Variants in SAR1A observed in about 807,000 individuals in gnomAD.
The protein encoded by SAR1A is small COPII coat GTPase SAR1A.
SAR1A carries 6 observed loss-of-function variants against 22.6 expected under a neutral mutation model. The ratio of observed to expected loss-of-function variants is 0.27; its 90% confidence interval spans 0.15 to 0.52. The LOEUF (loss-of-function observed/expected upper bound fraction) is 0.52. Ranked by LOEUF, SAR1A falls within the 20% of genes least tolerant of loss-of-function variation. The pLI, the probability that SAR1A is intolerant of heterozygous loss-of-function variation, is 0.96. For synonymous variants in SAR1A, 70 were observed against 82.2 expected (o/e 0.85, Z 0.80); for missense variants, 145 against 245.1 (o/e 0.59, Z 2.73).
chr10:70,152,921 G>C (rs1394322874), intron 6 of SAR1A, among the ~76,000 whole-genome samples: 1 of 152,164 alleles, frequency 6.6e-6, no homozygotes, highest in Non-Finnish European at 1.5e-5. Flanking sequence ...GCAGAAAAGA[G>C]GTCTGGGACT....
chr10:70,152,596 A>C lies in SAR1A; in HGVS notation c.481-4T>G. The C allele has an allele frequency of 6.2e-7, 1 of 1,603,046 alleles. No individual in the cohort carries two copies. The highest frequency in any genetic ancestry group is 8.5e-7 in the Non-Finnish European group (1 of 1,169,946). ...GCTCCTTCAGGGTCACATTCCCCTA[A>C]AGGAGGCAAAACCAAGAAAGGCCTG... On this transcript the variant is annotated splice_region_variant and splice_polypyrimidine_tract_variant and intron_variant, in intron 6 of 6. Coordinates refer to ENST00000373241, the MANE Select transcript of SAR1A (RefSeq NM_020150.5).
At chr10:70,168,895 G>C (rs1371254918) in intron 1 of SAR1A, among the ~76,000 whole-genome samples, 1 of 151,940 alleles carries the variant, frequency 6.6e-6, no homozygotes. Context: ...TTGCCATCAT[G>C]GCTCACTGCA....
chr10:70,160,940 A>G, intron 4 of SAR1A, 64 bp downstream of exon 4: 1 of 1,071,882 alleles, frequency 9.3e-7, no homozygotes, highest in Non-Finnish European at 1.4e-6. Flanking sequence ...CTGCTTTTAA[A>G]AGGAGCTGGG....
At chr10:70,163,444 T>G (rs1839502551) in intron 1 of SAR1A, among the ~76,000 whole-genome samples, 1 of 152,242 alleles carries the variant, frequency 6.6e-6, no homozygotes, top group African/African-American at 2.4e-5. Flanking sequence ...AGGGGCAAGC[T>G]GACTCTCTTG....
intron 5 of SAR1A, among the ~76,000 whole-genome samples, chr10:70,156,246 G>A (rs1189330282): frequency 6.6e-6 from 1 of 152,164 alleles, no homozygotes; most frequent in Non-Finnish European, 1.5e-5. Flanking sequence ...ACCAGCCTAG[G>A]AGAAAGTACT....
At chr10:70,164,207 G>C (rs966587772) in intron 1 of SAR1A, 11 of 602,364 alleles carry the variant, frequency 1.8e-5, no homozygotes, top group Middle Eastern at 4.7e-4. Context: ...TCTGTAAAAG[G>C]CTTCTCCCTA....
intron 1 of SAR1A, chr10:70,166,827 A>C (rs1222548186): frequency 4.6e-5 from 2 of 43,792 alleles, no homozygotes; most frequent in Admixed American, 3.3e-4. Flanking sequence ...GCATCTCTAC[A>C]AAAAAAAAAA....
intron 1 of SAR1A, among the ~76,000 whole-genome samples, chr10:70,169,425 G>GAATCT: frequency 6.6e-6 from 1 of 152,112 alleles, no homozygotes; most frequent in Non-Finnish European, 1.5e-5. Context: ...CACCTTACGA[G>GAATCT]AAGTTAAGAG....
In SAR1A at chr10:70,152,595, A is replaced by G; in HGVS notation, c.481-3T>C. 1 of 1,600,748 alleles carries G rather than the reference A, an allele frequency of 6.2e-7. No homozygotes were observed. ...AGCTCCTTCAGGGTCACATTCCCCTAAAGGAGGCAAAACCAAGAAAGGCCT... is the reference window on the plus strand; with the variant it reads ...AGCTCCTTCAGGGTCACATTCCCCTGAAGGAGGCAAAACCAAGAAAGGCCT... On this transcript the variant is annotated splice_region_variant and splice_polypyrimidine_tract_variant and intron_variant, in intron 6 of 6. Transcript: ENST00000373241.
At position 70,152,502 on chromosome 10, in the gene SAR1A, G is replaced by A. The variant is rs761365081; in HGVS notation, c.571C>T (p.Arg191Cys). 1.9e-6 allele frequency: 3 copies of A among 1,613,718 alleles called. No individual in the cohort carries two copies. Among genetic ancestry groups the A allele is most frequent in the South Asian group, 2.2e-5 (2 of 91,086 alleles). The change falls in exon 7 of 7, where the codon CGC (arginine) becomes TGC (cysteine). Residue 191 changes from arginine (R) to cysteine (C), a missense_variant. Transcript: ENST00000373241. ...LKRQGYGEGF[R>C]WLSQYID ...CAGTCAATATACTGGGAGAGCCAGC[G>A]GAAACCCTCGCCGTAACCTTGCCTC... is the stretch of plus-strand genomic sequence containing the variant.
At chr10:70,153,003 A>G (rs991255704) in intron 6 of SAR1A, among the ~76,000 whole-genome samples, 23 of 152,256 alleles carry the variant, frequency 1.5e-4, no homozygotes, top group African/African-American at 5.1e-4. Flanking sequence ...GGCACTGAAG[A>G]AATGAAGAAT....
At chr10:70,166,530 T>C (rs1839553234) in intron 1 of SAR1A, among the ~76,000 whole-genome samples, 1 of 152,186 alleles carries the variant, frequency 6.6e-6, no homozygotes, top group Non-Finnish European at 1.5e-5. Flanking sequence ...CATTTACCAA[T>C]GTTATCTCAA....
Position 70,167,990 on chromosome 10 carries a change from C to A in SAR1A, c.-17+2423G>T, listed in dbSNP as rs555116023. 7.4e-4 allele frequency among the ~76,000 whole-genome samples: 113 copies of A among 152,270 alleles called. 1 individual carries two copies. Among genetic ancestry groups the A allele is most frequent in the Non-Finnish European group, 1.5e-3 (99 of 68,012 alleles). On this transcript the variant is annotated intron_variant, in intron 1 of 6. Coordinates refer to ENST00000373241, the MANE Select transcript of SAR1A (RefSeq NM_020150.5). ...CATTTACTGTAAATAAGTAAAAGAA[C>A]AATGTGCCCTTCCTCTGCAACTCCC...
At chr10:70,168,906 G>C (rs1839587934) in intron 1 of SAR1A, among the ~76,000 whole-genome samples, 1 of 152,012 alleles carries the variant, frequency 6.6e-6, no homozygotes. Flanking sequence ...GCTCACTGCA[G>C]CCTCAACCTC....
chr10:70,169,570 T>C (rs1589880647), intron 1 of SAR1A, among the ~76,000 whole-genome samples: 1 of 152,336 alleles, frequency 6.6e-6, no homozygotes, highest in African/African-American at 2.4e-5. Flanking sequence ...AATCTGACCA[T>C]TAGCCAATTT....
In SAR1A at chr10:70,170,202, C is replaced by T. The variant is rs1839607926; in HGVS notation, c.-17+211G>A. On this transcript the variant is annotated intron_variant, in intron 1 of 6. Coordinates refer to ENST00000373241, the MANE Select transcript of SAR1A (RefSeq NM_020150.5). Reference sequence around the variant, plus strand: ...ACCCCCGAGCGGAATGCAAGTGGACCCCAGGCAAAGAGGACAGCAGGGGAC... The same window carrying T: ...ACCCCCGAGCGGAATGCAAGTGGACTCCAGGCAAAGAGGACAGCAGGGGAC... 3.3e-5 allele frequency among the ~76,000 whole-genome samples: 5 copies of T among 152,090 alleles called. No homozygotes were observed. The South Asian group carries it at 6.2e-4, about 19-fold the overall frequency.
chr10:70,169,537 T>C (rs1839597444), intron 1 of SAR1A, among the ~76,000 whole-genome samples: 1 of 152,184 alleles, frequency 6.6e-6, no homozygotes, highest in South Asian at 2.1e-4. Context: ...TTCAAACAAA[T>C]GTTAATAGAA....
chr10:70,169,984 C>T (rs962633435), intron 1 of SAR1A, among the ~76,000 whole-genome samples: 3 of 152,154 alleles, frequency 2.0e-5, no homozygotes, highest in Admixed American at 6.5e-5. Context: ...GGTTCGAGCG[C>T]TCACACTCGC....
rs747645487 is a variant in SAR1A at position 70,157,765 on chromosome 10, T to C, written c.347A>G (p.Asn116Ser). The change falls in exon 5 of 7, where the codon AAT becomes AGT. Residue 116 changes from asparagine to serine, a missense_variant and splice_region_variant. Around this residue, in one of 3 missense-constraint regions of SAR1A, gnomAD observed 83 missense variants for 114.7 expected, o/e 0.72. Transcript: ENST00000373241. ...SRLVESKVELNALMTDETISN... is the reference protein window; with the variant it reads ...SRLVESKVELSALMTDETISN... The stretch of plus-strand genomic sequence containing the variant: ...TACACATTAAAGGACAAAACATACA[T>C]TAAGCTCAACTTTGGATTCCACGAG... The C allele has an allele frequency of 1.2e-6, 2 of 1,608,932 alleles. No homozygotes were observed. The highest frequency in any genetic ancestry group is 1.7e-6 in the Non-Finnish European group (2 of 1,175,666).
Sources: gnomAD v4.1 joint callset for allele counts (sites outside exome capture counted in the v4.1 genomes callset) on GRCh38, gnomAD v4.1.1 for gene constraint, gnomAD v4.1.1 regional missense constraint, MANE v1.5 for transcripts, NCBI Gene and HGNC (gene_info 2026-07-23, HGNC 2026-07-21) for gene names.